CAPN9: variants seen among roughly 807,000 people sequenced by gnomAD.
CAPN9 encodes the protein calpain-9.
A neutral mutation model predicts 92.8 loss-of-function variants in CAPN9; 81 were observed. That is an observed-to-expected ratio of 0.87 (90% CI 0.73 to 1.05). The LOEUF is 1.05. Among genes scored for constraint, CAPN9 ranks in the 50% least tolerant of loss-of-function variants. The pLI is 0.00. For missense variants in CAPN9, 848 were observed against 866.2 expected (o/e 0.98, Z 0.26); for synonymous variants, 304 against 328.0 (o/e 0.93, Z 0.79).
At chr1:230,778,079 T>C (rs1666944984) in intron 8 of CAPN9, among the ~76,000 whole-genome samples, 1 of 152,142 alleles carries the variant, frequency 6.6e-6, no homozygotes, top group Non-Finnish European at 1.5e-5. Context: ...ACATCTCACA[T>C]TCACGTGCCC....
At chr1:230,769,959 A>G (rs1024386211) in intron 6 of CAPN9, among the ~76,000 whole-genome samples, 109 of 152,290 alleles carry the variant, frequency 7.2e-4, no homozygotes, top group African/African-American at 2.5e-3. Flanking sequence ...ATTATAAAAC[A>G]TGTTAATTGG....
chr1:230,785,797 T>A (rs1478422077), intron 11 of CAPN9, among the ~76,000 whole-genome samples, 184 bp from the exon 12 acceptor site: 1 of 152,156 alleles, frequency 6.6e-6, no homozygotes, highest in Non-Finnish European at 1.5e-5. Flanking sequence ...CTGAGCAAGG[T>A]CTGAGTGACT....
chr1:230,793,012 T>C, intron 17 of CAPN9, 84 bp downstream of exon 17: 1 of 1,034,418 alleles, frequency 9.7e-7, no homozygotes, highest in Non-Finnish European at 1.5e-6. Flanking sequence ...AGGTCTTCTC[T>C]CTGCTGCCCA....
intron 8 of CAPN9, among the ~76,000 whole-genome samples, chr1:230,777,427 C>T (rs1572056583): frequency 6.6e-6 from 1 of 152,232 alleles, no homozygotes; most frequent in East Asian, 1.9e-4. Flanking sequence ...AGCCTCTTTC[C>T]ATTCTTCACC....
intron 17 of CAPN9, 41 bp from the exon 18 acceptor site, chr1:230,795,122 C>T (rs779587136): frequency 3.8e-6 from 5 of 1,308,834 alleles, no homozygotes; most frequent in Non-Finnish European, 5.5e-6. Flanking sequence ...CCTCGGGGCT[C>T]GGATACAGCG....
intron 13 of CAPN9, 99 bp downstream of exon 13, chr1:230,787,701 C>T: frequency 3.1e-6 from 3 of 976,142 alleles, no homozygotes; most frequent in South Asian, 2.7e-5. Context: ...CAACGTCATC[C>T]TGAGGCATGA....
chr1:230,747,728 G>T lies in CAPN9; in HGVS notation c.213+19G>T. ...ACCAGGGGTGAGTGGGGCGAGCAGGGGAAGGAGCATAGATGAGGCCGAGGT... is the reference window on the plus strand; with the variant it reads ...ACCAGGGGTGAGTGGGGCGAGCAGGTGAAGGAGCATAGATGAGGCCGAGGT... On this transcript the variant is annotated intron_variant, in intron 1 of 19. Transcript: ENST00000271971. The T allele has an allele frequency of 1.9e-6, 3 of 1,611,632 alleles. No individual in the cohort carries two copies. The highest frequency in any genetic ancestry group is 2.5e-6 in the Non-Finnish European group (3 of 1,177,826).
chr1:230,762,708 TCAGGGAC>T lies in CAPN9; in HGVS notation c.460_466del (p.Arg154AlafsTer25). 4.3e-6 allele frequency: 7 copies of T among 1,614,180 alleles called. No individual in the cohort carries two copies. Among genetic ancestry groups the T allele is most frequent in the Non-Finnish European group, 5.1e-6 (6 of 1,180,024 alleles). The stretch of plus-strand genomic sequence containing the variant: ...GTGATCGATGACCGCCTGCCCACCT[TCAGGGAC>T]CGCTTGGTTTTCCTCCACTCTGCCG... On this transcript the variant is annotated frameshift_variant, in exon 4 of 20. Coordinates refer to ENST00000271971, the MANE Select transcript of CAPN9 (RefSeq NM_006615.3). LOFTEE classifies it high-confidence loss of function.
rs1933630 is a variant in CAPN9 at position 230,778,960 on chromosome 1, C to T, written c.954-13C>T. 12 of 1,610,158 alleles carry T rather than the reference C, an allele frequency of 7.5e-6. No individual in the cohort carries two copies. The highest frequency in any genetic ancestry group is 2.2e-5 in the East Asian group (1 of 44,832). On this transcript the variant is annotated splice_polypyrimidine_tract_variant and intron_variant, in intron 8 of 19. Transcript: ENST00000271971. ...TGCCCTCCTGTGCATCGTGTCTCTC[C>T]GCTTTGCTGCAGGATGGCATTTAAG...
Position 230,762,633 on chromosome 1 carries a change from G to A in CAPN9, c.403-20G>A. The A allele has an allele frequency of 6.2e-7, 1 of 1,612,684 alleles. No individual in the cohort carries two copies. The highest frequency in any genetic ancestry group is 8.5e-7 in the Non-Finnish European group (1 of 1,179,334). On this transcript the variant is annotated intron_variant, in intron 3 of 19. Coordinates refer to ENST00000271971, the MANE Select transcript of CAPN9 (RefSeq NM_006615.3). Reference sequence around the variant, plus strand: ...CATGTAGCTGACTCGCATCATTTCTGTCTTTTTCCTGGGCAACAGTTCTGG... The same window carrying A: ...CATGTAGCTGACTCGCATCATTTCTATCTTTTTCCTGGGCAACAGTTCTGG...
rs1667688865 is a variant in CAPN9 at position 230,787,512 on chromosome 1, T to G, written c.1519-10T>G. 6.2e-7 allele frequency: 1 copy of G among 1,611,586 alleles called. No homozygotes were observed. The highest frequency in any genetic ancestry group is 1.3e-5 in the African/African-American group (1 of 74,858). ...ATCATTTTGTGCAAGTTTCTTTGGC[T>G]GTTTTTTAGCCTCCAAAGCCAACTC... On this transcript the variant is annotated splice_polypyrimidine_tract_variant and intron_variant, in intron 12 of 19. Transcript: ENST00000271971.
chr1:230,787,846 C>T (rs901642748), intron 13 of CAPN9, among the ~76,000 whole-genome samples: 8 of 152,150 alleles, frequency 5.3e-5, no homozygotes, highest in South Asian at 2.1e-4. Flanking sequence ...TAGGCCCAGA[C>T]GCTTTGTTTT....
At chr1:230,751,609 G>GAGAA (rs1168833010) in intron 1 of CAPN9, among the ~76,000 whole-genome samples, 12 of 31,886 alleles carry the variant, frequency 3.8e-4, no homozygotes, top group South Asian at 9.8e-4. Context: ...AAGAAAGAAA[G>GAGAA]AGAAAGAAAG....
intron 9 of CAPN9, 143 bp downstream of exon 9, chr1:230,779,276 G>T (rs1411930335): frequency 1.4e-5 from 10 of 714,656 alleles, no homozygotes; most frequent in East Asian, 2.7e-5. Context: ...AGGCTGCAAA[G>T]ATTTAGTTGG....
At chr1:230,785,024 A>G (rs28741099) in intron 11 of CAPN9, among the ~76,000 whole-genome samples, 1 of 152,224 alleles carries the variant, frequency 6.6e-6, no homozygotes, top group Admixed American at 6.5e-5. Flanking sequence ...AAAGGAGATC[A>G]CTTTGGAGCT....
chr1:230,761,779 G>A (rs959578288), intron 3 of CAPN9, among the ~76,000 whole-genome samples: 4 of 152,106 alleles, frequency 2.6e-5, no homozygotes, highest in African/African-American at 9.7e-5. Flanking sequence ...GAACGGGTAG[G>A]AGGTGGGTCA....
chr1:230,787,618 C>T lies in CAPN9; in HGVS notation c.1599+16C>T, dbSNP rs1306962307. Reference sequence around the variant, plus strand: ...CGCTGGTGAGGTAGGACATGCCCCACTTCCATCTCCCCACCAGGCTGAGGG... The same window carrying T: ...CGCTGGTGAGGTAGGACATGCCCCATTTCCATCTCCCCACCAGGCTGAGGG... On this transcript the variant is annotated intron_variant, in intron 13 of 19. Coordinates refer to ENST00000271971, the MANE Select transcript of CAPN9 (RefSeq NM_006615.3). 7 of 1,608,084 alleles carry T rather than the reference C, an allele frequency of 4.4e-6. No homozygotes were observed. The highest frequency in any genetic ancestry group is 3.3e-5 in the Admixed American group (2 of 60,004).
At chr1:230,799,295 A>G (rs1309087503) in intron 19 of CAPN9, among the ~76,000 whole-genome samples, 1 of 152,262 alleles carries the variant, frequency 6.6e-6, no homozygotes, top group African/African-American at 2.4e-5. Flanking sequence ...ATTTCGATTA[A>G]GCAGGCTGCT....
At position 230,775,156 on chromosome 1, in the gene CAPN9, G is replaced by A. The variant is rs969223906; in HGVS notation, c.953+525G>A. Among the ~76,000 whole-genome samples, 14 of 152,044 alleles carry A rather than the reference G, an allele frequency of 9.2e-5. 1 individual carries two copies. Among genetic ancestry groups the A allele is most frequent in the African/African-American group, 2.9e-4 (12 of 41,388 alleles). On this transcript the variant is annotated intron_variant, in intron 8 of 19. Transcript: ENST00000271971. ...TTGGTGGGGGCTCACCCCAGCTCTC[G>A]GTTTGTTGAAGAGTCTTCAGGGGGT...
Sources: gnomAD v4.1 joint callset for allele counts (sites outside exome capture counted in the v4.1 genomes callset) on GRCh38, gnomAD v4.1.1 for gene constraint, MANE v1.5 for transcripts, NCBI Gene and HGNC (gene_info 2026-07-23, HGNC 2026-07-21) for gene names.